The following HPCAL1 variants were observed in gnomAD, a reference collection of about 807,000 sequenced individuals.
HPCAL1 encodes hippocalcin like 1, also known as hippocalcin-like protein 1.
In HPCAL1, 8 loss-of-function variants were observed where a neutral mutation model predicts 17.1. That is an observed-to-expected ratio of 0.47 (90% CI 0.27 to 0.84). The LOEUF (loss-of-function observed/expected upper bound fraction) is 0.84, where lower values mean the gene tolerates loss of function less well. Ranked by LOEUF, HPCAL1 falls within the 40% of genes least tolerant of loss-of-function variation. The pLI is 0.13. For missense variants in HPCAL1, 165 were observed against 271.1 expected, an observed-to-expected ratio of 0.61 and a Z score of 2.75; for synonymous variants, 112 against 111.4, an observed-to-expected ratio of 1.01 and a Z score of -0.03.
chr2:10,355,492 G>C (rs7582335), intron 1 of HPCAL1, among the ~76,000 whole-genome samples: 14 of 145,318 alleles, frequency 9.6e-5, no homozygotes, highest in African/African-American at 3.4e-4. Flanking sequence ...AGAGTTTAAC[G>C]GGACAGCCAC....
At position 10,395,054 on chromosome 2, in the gene HPCAL1, C is replaced by T. The variant is rs1668928352; in HGVS notation, c.-110-1781C>T. Reference sequence around the variant, plus strand: ...TCAAGCAATCCACCTGCCTCAGCTTCCCAGAGTGCTGGGATTACAGGCGTG... The same window carrying T: ...TCAAGCAATCCACCTGCCTCAGCTTTCCAGAGTGCTGGGATTACAGGCGTG... On this transcript the variant is annotated intron_variant, in intron 1 of 4. Coordinates refer to ENST00000307845, the MANE Select transcript of HPCAL1 (RefSeq NM_002149.4). The surrounding 1 kb of genome is among the most constrained non-coding windows in gnomAD (Gnocchi z 4.4). 6.6e-6 allele frequency among the ~76,000 whole-genome samples: 1 copy of T among 151,752 alleles called. No individual in the cohort carries two copies. Among genetic ancestry groups the T allele is most frequent in the Non-Finnish European group, 1.5e-5 (1 of 67,968 alleles).
At chr2:10,348,698 G>C (rs1026750212) in intron 1 of HPCAL1, among the ~76,000 whole-genome samples, 4 of 151,914 alleles carry the variant, frequency 2.6e-5, no homozygotes, top group African/African-American at 9.7e-5. Context: ...AAGATCACTT[G>C]AGCCCAGGAG....
chr2:10,382,488 C>G (rs1191432668), intron 1 of HPCAL1, among the ~76,000 whole-genome samples: 1 of 150,388 alleles, frequency 6.6e-6, no homozygotes, highest in Non-Finnish European at 1.5e-5. Flanking sequence ...TTGTAACAAA[C>G]AGCCACCCTG....
At chr2:10,339,889 G>A (rs981065083) in intron 1 of HPCAL1, among the ~76,000 whole-genome samples, 3 of 152,220 alleles carry the variant, frequency 2.0e-5, no homozygotes, top group Non-Finnish European at 4.4e-5. Context: ...GAGCCCCTGC[G>A]TGCGCCCAGC....
At chr2:10,334,235 G>A (rs1285355032) in intron 1 of HPCAL1, among the ~76,000 whole-genome samples, 1 of 152,168 alleles carries the variant, frequency 6.6e-6, no homozygotes, top group Admixed American at 6.5e-5. Flanking sequence ...TGTAATCCCA[G>A]CTCTTCGGGA....
At chr2:10,373,559 C>T (rs1362381323) in intron 1 of HPCAL1, among the ~76,000 whole-genome samples, 1 of 152,166 alleles carries the variant, frequency 6.6e-6, no homozygotes, top group Admixed American at 6.5e-5. Context: ...GACACAATGT[C>T]CCCTGGGCTG....
Position 10,325,607 on chromosome 2 carries a change from G to A in HPCAL1, c.-111+22430G>A, listed in dbSNP as rs61050929. ...AGCATCCTGCTAAGCAGGCCCTGGA[G>A]GGCGGTTTCCCTGCTTCCCCACACC... is the stretch of plus-strand genomic sequence containing the variant. On this transcript the variant is annotated intron_variant, in intron 1 of 4. Transcript: ENST00000307845. Among the ~76,000 whole-genome samples, 16 of 152,316 alleles carry A rather than the reference G, an allele frequency of 1.1e-4. No individual in the cohort carries two copies. In the East Asian group the frequency reaches 2.7e-3, roughly 26 times the overall value.
chr2:10,389,390 T>TA (rs1234034415), intron 1 of HPCAL1, among the ~76,000 whole-genome samples: 1 of 152,192 alleles, frequency 6.6e-6, no homozygotes, highest in Non-Finnish European at 1.5e-5. Flanking sequence ...AAATTGCTAA[T>TA]ACCACCGGCT....
intron 1 of HPCAL1, among the ~76,000 whole-genome samples, chr2:10,381,764 G>A (rs887849469): frequency 5.9e-5 from 9 of 152,230 alleles, no homozygotes; most frequent in African/African-American, 2.2e-4. Flanking sequence ...AGGACACTCA[G>A]CACCAAATGC....
At position 10,344,441 on chromosome 2, in the gene HPCAL1, C is replaced by T. The variant is rs189879900; in HGVS notation, c.-111+41264C>T. 1.0e-3 allele frequency among the ~76,000 whole-genome samples: 158 copies of T among 152,326 alleles called. No individual in the cohort carries two copies. Among genetic ancestry groups the T allele is most frequent in the African/African-American group, 3.6e-3 (149 of 41,566 alleles). On this transcript the variant is annotated intron_variant, in intron 1 of 4. Transcript: ENST00000307845. This position sits in a 1 kb window ranked among gnomAD's most constrained non-coding sequence, Gnocchi z 4.9. ...CCAGAACCAGTGCACATCTGTTAAGCGCATGCACCAAGCGGCGATTCCATA... is the reference window on the plus strand; with the variant it reads ...CCAGAACCAGTGCACATCTGTTAAGTGCATGCACCAAGCGGCGATTCCATA...
chr2:10,396,423 G>A (rs770260776), intron 1 of HPCAL1, among the ~76,000 whole-genome samples: 6 of 152,248 alleles, frequency 3.9e-5, no homozygotes, highest in Non-Finnish European at 5.9e-5. Flanking sequence ...TGGGTGCAGA[G>A]TGTAGAGTGC....
rs942190776 is a variant in HPCAL1 at position 10,363,640 on chromosome 2, C to T, written c.-110-33195C>T. On this transcript the variant is annotated intron_variant, in intron 1 of 4. Transcript: ENST00000307845. The surrounding 1 kb of genome is among the most constrained non-coding windows in gnomAD (Gnocchi z 4.7). ...CTAAAGTGCAGATTCCTGGGTCATC[C>T]CAGACCTGCTGAAGCCAAATCTTTA... is the stretch of plus-strand genomic sequence containing the variant. Among the ~76,000 whole-genome samples the T allele has an allele frequency of 6.6e-6, 1 of 152,176 alleles. No homozygotes were observed. The highest frequency in any genetic ancestry group is 6.5e-5 in the Admixed American group (1 of 15,286).
intron 1 of HPCAL1, among the ~76,000 whole-genome samples, chr2:10,360,124 C>A (rs1478651959): frequency 6.6e-6 from 1 of 152,194 alleles, no homozygotes; most frequent in Non-Finnish European, 1.5e-5. Context: ...CCTCATTCCC[C>A]CTGGGTAGAG....
At chr2:10,417,650 T>G (rs1670758219) in intron 2 of HPCAL1, among the ~76,000 whole-genome samples, 1 of 152,228 alleles carries the variant, frequency 6.6e-6, no homozygotes, top group Non-Finnish European at 1.5e-5. Flanking sequence ...CTGCACAGAT[T>G]ATTTGCACAG....
At chr2:10,321,157 G>A (rs1349450268) in intron 1 of HPCAL1, among the ~76,000 whole-genome samples, 1 of 152,156 alleles carries the variant, frequency 6.6e-6, no homozygotes, top group Non-Finnish European at 1.5e-5. Flanking sequence ...GGAAGGTGAC[G>A]GGGGAGCAGG....
intron 1 of HPCAL1, among the ~76,000 whole-genome samples, chr2:10,355,214 G>T (rs574390619): frequency 6.6e-6 from 1 of 152,198 alleles, no homozygotes; most frequent in Admixed American, 6.5e-5. Context: ...CACTTTGGGA[G>T]GCCGAGGCGG....
chr2:10,380,254 G>A lies in HPCAL1; in HGVS notation c.-110-16581G>A, dbSNP rs1001466835. ...AGCTTCTGTGCTCTGGGGTAGTGAG[G>A]AAGTGTGTGGGCAGGTTGGCAAATA... On this transcript the variant is annotated intron_variant, in intron 1 of 4. Transcript: ENST00000307845. 4.6e-5 allele frequency among the ~76,000 whole-genome samples: 7 copies of A among 152,334 alleles called. 1 individual carries two copies. Among genetic ancestry groups the A allele is most frequent in the South Asian group, 2.1e-4 (1 of 4,830 alleles).
intron 2 of HPCAL1, among the ~76,000 whole-genome samples, chr2:10,409,092 TC>T (rs1486910535): frequency 1.3e-5 from 2 of 152,234 alleles, no homozygotes; most frequent in Non-Finnish European, 2.9e-5. Context: ...TTGTTTTTTT[TC>T]ATATGAAGTC....
intron 1 of HPCAL1, among the ~76,000 whole-genome samples, chr2:10,307,077 C>T (rs1197947403): frequency 1.3e-5 from 2 of 152,162 alleles, no homozygotes; most frequent in African/African-American, 4.8e-5. Context: ...GGCAGGAAGC[C>T]AGGAGCCTGG....
Sources: allele counts gnomAD v4.1 joint callset (sites outside exome capture counted in the v4.1 genomes callset), GRCh38; gene constraint gnomAD v4.1.1; non-coding constraint Gnocchi (gnomAD v3.1); transcripts MANE v1.5; gene names NCBI Gene and HGNC (gene_info 2026-07-23, HGNC 2026-07-21).